Variants in CTSZ observed in about 807,000 individuals in gnomAD.
CTSZ encodes the protein carboxypeptidase LB.
A neutral mutation model predicts 32.4 loss-of-function variants in CTSZ; 39 were observed. The observed-to-expected ratio is 1.20, with a 90% CI of 0.93 to 1.57. The LOEUF is 1.57. Among genes scored for constraint, CTSZ ranks in the 40% most tolerant of loss-of-function variants. The pLI, the probability that CTSZ is intolerant of heterozygous loss-of-function variation, is 0.00. For synonymous variants in CTSZ, 168 were observed against 170.1 expected (o/e 0.99, Z 0.10); for missense variants, 397 against 419.6 (o/e 0.95, Z 0.47).
At chr20:58,998,419 C>T (rs989785905) in intron 3 of CTSZ, among the ~76,000 whole-genome samples, 4 of 151,842 alleles carry the variant, frequency 2.6e-5, no homozygotes, top group Non-Finnish European at 5.9e-5. Context: ...TGGTGGATGC[C>T]TGTAATCCCA....
Position 59,007,005 on chromosome 20 carries a change from G to A in CTSZ, c.124C>T (p.Leu42=). 1 of 1,469,822 alleles carries A rather than the reference G, an allele frequency of 6.8e-7. No individual in the cohort carries two copies. The highest frequency in any genetic ancestry group is 8.9e-7 in the Non-Finnish European group (1 of 1,117,980). The allele number at this position is 1,469,822 out of a possible 1,614,324, so 91.0% of individuals were successfully genotyped here. A position where few individuals can be genotyped will look rare whatever the true frequency, so the allele number is the denominator to read the frequency against. ...GCCCACCTGCGCCCCAGCGGAGCCA[G>A]CCCGTCCCCCCGCAGAGGCCGGTAG... ...TCYRPLRGDG[L]APLGRSTYPR... The change falls in exon 1 of 6, where the codon CTG becomes TTG. Residue 42 remains leucine, a synonymous_variant. Coordinates refer to ENST00000217131, the MANE Select transcript of CTSZ (RefSeq NM_001336.4).
In CTSZ at chr20:59,006,384, T is replaced by C. The variant is rs897367507; in HGVS notation, c.245A>G (p.Asn82Ser). Residue 82 changes from asparagine to serine, a missense_variant, in exon 2 of 6, where the codon AAC (asparagine) becomes AGC (serine). Coordinates refer to ENST00000217131, the MANE Select transcript of CTSZ (RefSeq NM_001336.4). ...DGVNYASITR[N>S]QHIPQYCGSC... is the part of the protein sequence containing the mutation. ...GCCGCAGTATTGGGGGATGTGCTGGTTCCGGGTGATGCTGGCATAGTTGAC... is the reference window on the plus strand; with the variant it reads ...GCCGCAGTATTGGGGGATGTGCTGGCTCCGGGTGATGCTGGCATAGTTGAC... 1 of 1,613,918 alleles carries C rather than the reference T, an allele frequency of 6.2e-7. No individual in the cohort carries two copies. Among genetic ancestry groups the C allele is most frequent in the African/African-American group, 1.3e-5 (1 of 75,054 alleles).
chr20:59,005,191 G>T (rs1027925993), intron 2 of CTSZ, among the ~76,000 whole-genome samples: 4 of 152,026 alleles, frequency 2.6e-5, no homozygotes, highest in African/African-American at 9.7e-5. Flanking sequence ...ACCTTTGAAC[G>T]ATCAGAAGTG....
intron 1 of CTSZ, 81 bp downstream of exon 1, chr20:59,006,905 G>A: frequency 8.3e-7 from 1 of 1,210,430 alleles, no homozygotes. Context: ...GCGACGCAGG[G>A]CCCCCAGGAG....
chr20:58,996,458 G>A (rs546219588), intron 5 of CTSZ, 181 bp downstream of exon 5: 21 of 641,316 alleles, frequency 3.3e-5, no homozygotes, highest in South Asian at 7.2e-5. Flanking sequence ...GGCGGCAGCC[G>A]CGCATGTCAG....
rs2091861763 is a variant in CTSZ, at chr20:58,996,631, C to T, written c.801+8G>A. 3.8e-6 allele frequency: 6 copies of T among 1,599,954 alleles called. No individual in the cohort carries two copies. In the East Asian group the frequency reaches 1.4e-4, roughly 37 times the overall value. ...AGGAATGACCTTAAGAAAATGAAAA[C>T]ATCTTACCCATGGTTCACCCCATGA... On this transcript the variant is annotated splice_region_variant and intron_variant, in intron 5 of 5. Coordinates refer to ENST00000217131, the MANE Select transcript of CTSZ (RefSeq NM_001336.4).
At chr20:58,996,348 G>C (rs1170002443) in intron 5 of CTSZ, among the ~76,000 whole-genome samples, 1 of 152,196 alleles carries the variant, frequency 6.6e-6, no homozygotes, top group Admixed American at 6.5e-5. Flanking sequence ...AGGGCACCAG[G>C]CACCATCTGG....
In CTSZ at chr20:59,001,568, G is replaced by A. The variant is rs1183773567; in HGVS notation, c.384C>T (p.Asn128=). 3.7e-6 allele frequency: 6 copies of A among 1,614,094 alleles called. No homozygotes were observed. The African/African-American group carries it at 4.0e-5, about 11-fold the overall frequency. Residue 128 remains asparagine (N), a synonymous_variant, in exon 3 of 6, where the codon AAC becomes AAT. Coordinates refer to ENST00000217131, the MANE Select transcript of CTSZ (RefSeq NM_001336.4). ...LSVQNVIDCG[N]AGSCEGGNDL... Reference sequence around the variant, plus strand: ...CATTACCCCCTTCACAGGAGCCAGCGTTACCGCAGTCGATGACGTTCTGCA... The same window carrying A: ...CATTACCCCCTTCACAGGAGCCAGCATTACCGCAGTCGATGACGTTCTGCA...
At chr20:58,997,808 C>T in intron 3 of CTSZ, 55 bp from the exon 4 acceptor site, 1 of 1,494,306 alleles carries the variant, frequency 6.7e-7, no homozygotes, top group Non-Finnish European at 9.0e-7. Context: ...AACCCACTGA[C>T]AAAGAAGCCC....
intron 3 of CTSZ, 37 bp downstream of exon 3, chr20:59,001,428 G>A (rs369090127): frequency 7.7e-5 from 122 of 1,578,318 alleles, no homozygotes; most frequent in Admixed American, 7.1e-4. Flanking sequence ...GGAGTGGAGG[G>A]CAGGAGGGTG....
rs375837518 is a variant in CTSZ, at chr20:58,999,279, G to A, written c.488-1526C>T. The stretch of plus-strand genomic sequence containing the variant: ...TCGAACTCCTGGTCTCAAGTGATCC[G>A]CCCGCCTCAGCCTCCCAAAGTGCTG... On this transcript the variant is annotated intron_variant, in intron 3 of 5. Coordinates refer to ENST00000217131, the MANE Select transcript of CTSZ (RefSeq NM_001336.4). Among the ~76,000 whole-genome samples the A allele has an allele frequency of 5.3e-5, 8 of 152,076 alleles. No homozygotes were observed. The East Asian group carries it at 5.8e-4, about 11-fold the overall frequency.
chr20:58,999,050 T>C (rs2091875830), intron 3 of CTSZ, among the ~76,000 whole-genome samples: 1 of 152,142 alleles, frequency 6.6e-6, no homozygotes, highest in Admixed American at 6.5e-5. Flanking sequence ...TTCTTTTTTT[T>C]TTGGAGACAG....
In CTSZ at chr20:58,999,716, G is replaced by A. The variant is rs150559127; in HGVS notation, c.487+1749C>T. Among the ~76,000 whole-genome samples, 37 of 152,362 alleles carry A rather than the reference G, an allele frequency of 2.4e-4. 3 individuals are homozygous for A. The East Asian group carries it at 7.1e-3, about 29-fold the overall frequency. On this transcript the variant is annotated intron_variant, in intron 3 of 5. Transcript: ENST00000217131. ...GGTGGAGGCAGCAAAGCAAGCAGCT[G>A]CTGGGCTTTCCCAGCTCTCTGCTCT...
rs2091893557 is a variant in CTSZ at position 59,002,463 on chromosome 20, C to T, written c.308-819G>A. Among the ~76,000 whole-genome samples the T allele has an allele frequency of 6.6e-6, 1 of 152,140 alleles. No homozygotes were observed. Among genetic ancestry groups the T allele is most frequent in the African/African-American group, 2.4e-5 (1 of 41,416 alleles). ...TCCTGACCCCACGTTCAAGTCGGAA[C>T]TCTTCCTGCAGCCTCACCTGTCCCT... is the stretch of plus-strand genomic sequence containing the variant. On this transcript the variant is annotated intron_variant, in intron 2 of 5. Transcript: ENST00000217131. This position sits in a 1 kb window ranked among gnomAD's most constrained non-coding sequence, Gnocchi z 4.1.
rs780984819 is a variant in CTSZ, at chr20:59,002,946, G to A, written c.308-1302C>T. On this transcript the variant is annotated intron_variant, in intron 2 of 5. Coordinates refer to ENST00000217131, the MANE Select transcript of CTSZ (RefSeq NM_001336.4). The surrounding 1 kb of genome is among the most constrained non-coding windows in gnomAD (Gnocchi z 4.1). ...TCTCACAACAACAGAGGAAGCCCCCGGCCCCTCCCACTCACTATCACGGTT... is the reference window on the plus strand; with the variant it reads ...TCTCACAACAACAGAGGAAGCCCCCAGCCCCTCCCACTCACTATCACGGTT... Among the ~76,000 whole-genome samples, 2 of 151,964 alleles carry A rather than the reference G, an allele frequency of 1.3e-5. No homozygotes were observed. The highest frequency in any genetic ancestry group is 2.4e-5 in the African/African-American group (1 of 41,350).
At chr20:59,005,608 G>C (rs1047592232) in intron 2 of CTSZ, among the ~76,000 whole-genome samples, 4 of 152,174 alleles carry the variant, frequency 2.6e-5, no homozygotes, top group African/African-American at 9.7e-5. Context: ...GTGCTCATGG[G>C]CCAAACTCCC....
At chr20:59,001,725 G>T in intron 2 of CTSZ, 81 bp from the exon 3 acceptor site, 8 of 1,460,658 alleles carry the variant, frequency 5.5e-6, no homozygotes, top group Non-Finnish European at 7.5e-6. Flanking sequence ...CCTCAGGCGG[G>T]ATGCAGGCGC....
rs1286916527 is a variant in CTSZ, at chr20:58,996,398, A to G, written c.801+241T>C. Reference sequence around the variant, plus strand: ...ACACTGGGATTGCGGGGAGTCACCTAGTGGGTGGAGGGGCCAGGGATGCTG... The same window carrying G: ...ACACTGGGATTGCGGGGAGTCACCTGGTGGGTGGAGGGGCCAGGGATGCTG... On this transcript the variant is annotated intron_variant, in intron 5 of 5. Coordinates refer to ENST00000217131, the MANE Select transcript of CTSZ (RefSeq NM_001336.4). Among the ~76,000 whole-genome samples, 3 of 152,240 alleles carry G rather than the reference A, an allele frequency of 2.0e-5. No homozygotes were observed. In the South Asian group the frequency reaches 6.2e-4, roughly 32 times the overall value.
rs956425073 is a variant in CTSZ at position 59,007,015 on chromosome 20, C to G, written c.114G>C (p.Arg38=). 8 of 1,472,960 alleles carry G rather than the reference C, an allele frequency of 5.4e-6. No homozygotes were observed. Among genetic ancestry groups the G allele is most frequent in the East Asian group, 3.0e-5 (1 of 33,644 alleles). The allele number at this position is 1,472,960 out of a possible 1,614,324, so 91.2% of individuals were successfully genotyped here. A position where few individuals can be genotyped will look rare whatever the true frequency, so the allele number is the denominator to read the frequency against. ...GCCCCAGCGGAGCCAGCCCGTCCCCCCGCAGAGGCCGGTAGCAGGTCTGTC... is the reference window on the plus strand; with the variant it reads ...GCCCCAGCGGAGCCAGCCCGTCCCCGCGCAGAGGCCGGTAGCAGGTCTGTC... The part of the protein sequence containing the change: ...RRGQTCYRPL[R]GDGLAPLGRS... Residue 38 remains arginine (R), a synonymous_variant, in exon 1 of 6, where the codon CGG becomes CGC. Coordinates refer to ENST00000217131, the MANE Select transcript of CTSZ (RefSeq NM_001336.4).
Sources: gnomAD v4.1 joint callset for allele counts (sites outside exome capture counted in the v4.1 genomes callset) on GRCh38, gnomAD v4.1.1 for gene constraint, Gnocchi (gnomAD v3.1) non-coding constraint, MANE v1.5 for transcripts, NCBI Gene and HGNC (gene_info 2026-07-23, HGNC 2026-07-21) for gene names.